SASH1: variants seen among roughly 807,000 people sequenced by gnomAD.
SASH1 encodes the protein SAM and SH3 domain-containing protein 1.
SASH1 carries 44 observed loss-of-function variants against 125.2 expected under a neutral mutation model. That is an observed-to-expected ratio of 0.35 (90% CI 0.28 to 0.45). The LOEUF is 0.45. Among genes scored for constraint, SASH1 ranks in the 20% least tolerant of loss-of-function variants. The pLI is 1.00. For missense variants in SASH1, 1,426 were observed against 1,614.5 expected (o/e 0.88, Z 2.00); for synonymous variants, 639 against 649.1 (o/e 0.98, Z 0.24).
chr6:148,353,739 G>A (rs564346289), intron 1 of SASH1, among the ~76,000 whole-genome samples: 71 of 152,130 alleles, frequency 4.7e-4, no homozygotes, highest in African/African-American at 1.5e-3. Flanking sequence ...CTGACCAATT[G>A]ATCTTAACTA....
chr6:148,417,581 C>CAAAAAAAAAAAAAA (rs1356946579), intron 2 of SASH1, among the ~76,000 whole-genome samples: 4 of 68,606 alleles, frequency 5.8e-5, no homozygotes, highest in African/African-American at 2.0e-4. Context: ...GGGACTCTGT[C>CAAAAAAAAAAAAAA]AAAATAAATA....
intron 1 of SASH1, among the ~76,000 whole-genome samples, chr6:148,363,191 G>A (rs747452551): frequency 1.2e-4 from 18 of 152,366 alleles, no homozygotes; most frequent in Non-Finnish European, 1.9e-4. Flanking sequence ...CTCACCCTTT[G>A]AATTCCCTGT....
At chr6:148,349,850 C>CTTT (rs71841350) in intron 1 of SASH1, among the ~76,000 whole-genome samples, 1 of 145,212 alleles carries the variant, frequency 6.9e-6, no homozygotes, top group African/African-American at 2.5e-5. Context: ...TTCTTTTTTT[C>CTTT]TTTTTTTTTT....
At chr6:148,466,508 G>A (rs910520259) in intron 4 of SASH1, among the ~76,000 whole-genome samples, 3 of 152,122 alleles carry the variant, frequency 2.0e-5, no homozygotes, top group African/African-American at 4.8e-5. Context: ...GATTCTCAAG[G>A]TCCTTTTATC....
the SASH1 span, among the ~76,000 whole-genome samples, chr6:148,203,631 A>T: frequency 6.6e-6 from 1 of 152,240 alleles, no homozygotes; most frequent in African/African-American, 2.4e-5. Flanking sequence ...ATGTGAAAAT[A>T]TGTGTGAGTC....
intron 1 of SASH1, among the ~76,000 whole-genome samples, chr6:148,325,261 T>TTGTTGTTGTTG (rs147161125): frequency 0.087 from 13,012 of 149,920 alleles, 623 homozygotes; most frequent in Middle Eastern, 0.15. Flanking sequence ...AAAAGCCTCT[T>TTGTTGTTGTTG]TTGTTGTTGT....
rs1173793448 is a variant in SASH1 at position 148,551,701 on chromosome 6, T to C, written c.*3143T>C. 1.3e-5 allele frequency: 2 copies of C among 152,650 alleles called. No homozygotes were observed. Among genetic ancestry groups the C allele is most frequent in the Non-Finnish European group, 2.9e-5 (2 of 68,038 alleles). The allele number at this position is 152,650 out of a possible 1,614,324, so 9.5% of individuals were successfully genotyped here. ...AATATAATAGTCTGAGTCCAAGTTATCTTGATTTAAAATTGATAGAGAAAA... is the reference window on the plus strand; with the variant it reads ...AATATAATAGTCTGAGTCCAAGTTACCTTGATTTAAAATTGATAGAGAAAA... On this transcript the variant is annotated 3_prime_UTR_variant, in exon 20 of 20. Transcript: ENST00000367467.
the SASH1 span, among the ~76,000 whole-genome samples, chr6:148,248,745 T>A: frequency 6.6e-6 from 1 of 152,192 alleles, no homozygotes; most frequent in East Asian, 1.9e-4. Context: ...TGCTAAAGCA[T>A]CTCCATATGA....
intron 2 of SASH1, among the ~76,000 whole-genome samples, chr6:148,392,098 A>G (rs1783748815): frequency 6.6e-6 from 1 of 152,312 alleles, no homozygotes; most frequent in South Asian, 2.1e-4. Context: ...CAGCCTGACC[A>G]ACACGGAGAA....
chr6:148,471,817 A>C (rs866869401), intron 6 of SASH1, among the ~76,000 whole-genome samples: 1 of 152,100 alleles, frequency 6.6e-6, no homozygotes, highest in Non-Finnish European at 1.5e-5. Flanking sequence ...TCTCGTCAAG[A>C]TCTAGCCTGA....
At chr6:148,393,028 C>A (rs1318448383) in intron 2 of SASH1, among the ~76,000 whole-genome samples, 1 of 146,864 alleles carries the variant, frequency 6.8e-6, no homozygotes, top group Non-Finnish European at 1.5e-5. Context: ...GCCCTGAATT[C>A]TTGAATGTTT....
the SASH1 span, among the ~76,000 whole-genome samples, chr6:148,263,400 T>C: frequency 6.6e-6 from 1 of 152,150 alleles, no homozygotes; most frequent in Non-Finnish European, 1.5e-5. Flanking sequence ...CTGGGCCCAC[T>C]GAAAGAGTGA....
chr6:148,303,260 A>C (rs1171261207), intron 1 of SASH1, among the ~76,000 whole-genome samples: 2 of 152,112 alleles, frequency 1.3e-5, no homozygotes, highest in African/African-American at 4.8e-5. Flanking sequence ...AATTACAGGT[A>C]TAAGCCACCA....
At chr6:148,375,527 G>T (rs976067872) in intron 1 of SASH1, among the ~76,000 whole-genome samples, 1 of 152,210 alleles carries the variant, frequency 6.6e-6, no homozygotes, top group African/African-American at 2.4e-5. Flanking sequence ...TGCTTTTTCA[G>T]AGTACTTTCA....
chr6:148,365,080 G>A (rs1782394597), intron 1 of SASH1, among the ~76,000 whole-genome samples: 2 of 151,290 alleles, frequency 1.3e-5, no homozygotes, highest in Non-Finnish European at 2.9e-5. Flanking sequence ...CTGAGATCGT[G>A]CCACTGCACT....
At chr6:148,261,823 G>A in the SASH1 span, among the ~76,000 whole-genome samples, 2 of 152,126 alleles carry the variant, frequency 1.3e-5, no homozygotes, top group Non-Finnish European at 2.9e-5. Context: ...GAAAAGGCAT[G>A]GGAATAAGAG....
In SASH1 at chr6:148,548,458, C is replaced by T; in HGVS notation, c.3644C>T (p.Thr1215Ile). The T allele has an allele frequency of 6.2e-7, 1 of 1,614,248 alleles. No individual in the cohort carries two copies. The highest frequency in any genetic ancestry group is 2.2e-5 in the East Asian group (1 of 44,880). ...AGCCAAGTGCCTTCTCTGTCTCACA[C>T]TTGCCTTCAGGAGGCCGGCATCACA... Reference protein sequence around the residue: ...TLSQVPSLSHTCLQEAGITEE... With the variant: ...TLSQVPSLSHICLQEAGITEE... Residue 1215 changes from threonine to isoleucine, a missense_variant, in exon 20 of 20, where the codon ACT becomes ATT. Thr to Ile is a moderately conservative substitution (Grantham distance 89). Coordinates refer to ENST00000367467, the MANE Select transcript of SASH1 (RefSeq NM_015278.5).
At chr6:148,440,992 C>G (rs543014497) in intron 4 of SASH1, among the ~76,000 whole-genome samples, 2 of 152,290 alleles carry the variant, frequency 1.3e-5, no homozygotes, top group South Asian at 4.1e-4. Flanking sequence ...GTTATATTTT[C>G]AGTATTTCTT....
In SASH1 at chr6:148,546,470, G is replaced by A. The variant is rs549671471; in HGVS notation, c.3480+324G>A. ...GATTGCTTGAGCCCAGAATTTTGAT[G>A]CCGGCCTGGGCAACATAGTGAGACC... On this transcript the variant is annotated intron_variant, in intron 19 of 19. Transcript: ENST00000367467. Among the ~76,000 whole-genome samples, 5 of 152,258 alleles carry A rather than the reference G, an allele frequency of 3.3e-5. No individual in the cohort carries two copies. In the South Asian group the frequency reaches 1.0e-3, roughly 32 times the overall value.
Sources: gnomAD v4.1 joint callset for allele counts (sites outside exome capture counted in the v4.1 genomes callset) on GRCh38, gnomAD v4.1.1 for gene constraint, MANE v1.5 for transcripts, NCBI Gene and HGNC (gene_info 2026-07-23, HGNC 2026-07-21) for gene names.